Variants in SQLE observed in about 807,000 individuals in gnomAD.
SQLE encodes squalene monooxygenase.
In SQLE, 29 loss-of-function variants were observed where a neutral mutation model predicts 60.7. That is an observed-to-expected ratio of 0.48 (90% CI 0.36 to 0.65). The LOEUF is 0.65. Among genes scored for constraint, SQLE ranks in the 30% least tolerant of loss-of-function variants. The pLI is 0.00. For missense variants in SQLE, 605 were observed against 684.1 expected (o/e 0.88, Z 1.29); for synonymous variants, 237 against 246.8 (o/e 0.96, Z 0.37).
intron 7 of SQLE, among the ~76,000 whole-genome samples, chr8:125,015,165 C>G (rs1815091888): frequency 6.6e-6 from 1 of 152,148 alleles, no homozygotes; most frequent in Non-Finnish European, 1.5e-5. Context: ...TTCTTTGCCT[C>G]TTTTTATAGT....
In SQLE at chr8:125,018,206, G is replaced by A. The variant is rs777216066; in HGVS notation, c.1347+5G>A. On this transcript the variant is annotated splice_donor_5th_base_variant and intron_variant, in intron 8 of 10. Coordinates refer to ENST00000265896, the MANE Select transcript of SQLE (RefSeq NM_003129.4). ...GATGATGCAGCTATTTTCGAGGTAA[G>A]ATCAATTATTTTGACAAAAATGTCT... 5.6e-6 allele frequency: 9 copies of A among 1,607,664 alleles called. No individual in the cohort carries two copies. Among genetic ancestry groups the A allele is most frequent in the Admixed American group, 1.7e-5 (1 of 57,952 alleles).
Position 124,998,576 on chromosome 8 carries a change from G to T in SQLE, c.-828G>T, listed in dbSNP as rs903459594. ...CTGGTTACTGGGGCCGCGCCGCGCT[G>T]GCGAGAGCCGCCGCCCGCGAGGGAT... On this transcript the variant is annotated 5_prime_UTR_variant, in exon 1 of 11. Transcript: ENST00000265896. 20 of 686,450 alleles carry T rather than the reference G, an allele frequency of 2.9e-5. No homozygotes were observed. Among genetic ancestry groups the T allele is most frequent in the Admixed American group, 4.1e-5 (2 of 48,602 alleles). 42.5% of individuals were successfully genotyped at this position (686,450 alleles called of 1,614,324 possible).
At position 125,020,770 on chromosome 8, in the gene SQLE, C is replaced by T. The variant is rs1228301654; in HGVS notation, c.1445-14C>T. On this transcript the variant is annotated splice_polypyrimidine_tract_variant and intron_variant, in intron 9 of 10. Coordinates refer to ENST00000265896, the MANE Select transcript of SQLE (RefSeq NM_003129.4). ...TGTGTACACATATTTGATTATTTTA[C>T]AATTTTATTTTAGATTCCCTGCATC... 6 of 1,570,072 alleles carry T rather than the reference C, an allele frequency of 3.8e-6. No individual in the cohort carries two copies. The highest frequency in any genetic ancestry group is 1.3e-5 in the African/African-American group (1 of 74,176).
intron 7 of SQLE, among the ~76,000 whole-genome samples, chr8:125,012,262 T>C (rs549999349): frequency 4.7e-4 from 72 of 152,346 alleles, no homozygotes; most frequent in African/African-American, 1.6e-3. Context: ...TTACTAACTT[T>C]ATTGATATAT....
At chr8:125,017,469 C>T (rs1434104958) in intron 7 of SQLE, among the ~76,000 whole-genome samples, 3 of 152,048 alleles carry the variant, frequency 2.0e-5, no homozygotes, top group Non-Finnish European at 4.4e-5. Flanking sequence ...GCTCTTCAGT[C>T]AGCTGGTGGT....
In SQLE at chr8:124,998,684, A is replaced by G; in HGVS notation, c.-720A>G. 1 of 643,400 alleles carries G rather than the reference A, an allele frequency of 1.6e-6. No homozygotes were observed. Among genetic ancestry groups the G allele is most frequent in the Non-Finnish European group, 2.8e-6 (1 of 353,836 alleles). 39.9% of individuals were successfully genotyped at this position (643,400 alleles called of 1,614,324 possible). ...CCACCTTTTATCGGTGGGGAAGTGC[A>G]GTCGCGGTGGGCGGCTCTGGGGGCC... On this transcript the variant is annotated 5_prime_UTR_variant, in exon 1 of 11. Transcript: ENST00000265896.
At chr8:125,021,517 G>C (rs1815203634) in intron 10 of SQLE, among the ~76,000 whole-genome samples, 1 of 116,126 alleles carries the variant, frequency 8.6e-6, no homozygotes, top group Non-Finnish European at 1.6e-5. Flanking sequence ...TATATTCTAA[G>C]TATTTTTTCT....
intron 4 of SQLE, among the ~76,000 whole-genome samples, chr8:125,008,413 A>T (rs7825911): frequency 0.34 from 52,343 of 151,766 alleles, 9,879 homozygotes; most frequent in Middle Eastern, 0.49. Flanking sequence ...TTAAAAAAAA[A>T]TTATCGTAGT....
In SQLE at chr8:125,018,054, C is replaced by T. The variant is rs1323300947; in HGVS notation, c.1205-5C>T. On this transcript the variant is annotated splice_polypyrimidine_tract_variant and splice_region_variant and intron_variant, in intron 7 of 10. Coordinates refer to ENST00000265896, the MANE Select transcript of SQLE (RefSeq NM_003129.4). ...AAATAAAATCTTCATTACCTCTCTT[C>T]ATAGGTGTTCTTCTTTTGGGAGACG... 1.9e-6 allele frequency: 3 copies of T among 1,613,104 alleles called. No homozygotes were observed. The highest frequency in any genetic ancestry group is 2.5e-6 in the Non-Finnish European group (3 of 1,179,712).
chr8:125,004,877 AGATTT>A (rs1381247048), intron 2 of SQLE, among the ~76,000 whole-genome samples: 2 of 152,078 alleles, frequency 1.3e-5, no homozygotes, highest in African/African-American at 4.8e-5. Flanking sequence ...TTGCTGCTTT[AGATTT>A]AAGAAAGAAG....
At chr8:125,008,917 T>A (rs919493492) in intron 4 of SQLE, 54 bp from the exon 5 acceptor site, 23 of 1,305,872 alleles carry the variant, frequency 1.8e-5, no homozygotes, top group Non-Finnish European at 2.3e-5. Context: ...AGAATGGCTT[T>A]TTTTACTGTG....
chr8:125,017,323 A>G (rs944735435), intron 7 of SQLE, among the ~76,000 whole-genome samples: 1 of 151,602 alleles, frequency 6.6e-6, no homozygotes, highest in African/African-American at 2.4e-5. Flanking sequence ...CTGGCACCCA[A>G]ACCTTAAGAC....
chr8:125,005,576 A>T lies in SQLE; in HGVS notation c.596A>T (p.Asp199Val). 1 of 1,612,008 alleles carries T rather than the reference A, an allele frequency of 6.2e-7. No individual in the cohort carries two copies. Among genetic ancestry groups the T allele is most frequent in the Non-Finnish European group, 8.5e-7 (1 of 1,178,584 alleles). ...GTTGTAAATGGTTACATGATTCATGATCAGGAAAGCAAATCAGAGGTTCAG... is the reference window on the plus strand; with the variant it reads ...GTTGTAAATGGTTACATGATTCATGTTCAGGAAAGCAAATCAGAGGTTCAG... ...AQVVNGYMIHDQESKSEVQIP... is the reference protein window; with the variant it reads ...AQVVNGYMIHVQESKSEVQIP... Residue 199 changes from aspartate (D) to valine (V), a missense_variant, in exon 3 of 11, where the codon GAT (aspartate) becomes GTT (valine). Coordinates refer to ENST00000265896, the MANE Select transcript of SQLE (RefSeq NM_003129.4).
intron 6 of SQLE, among the ~76,000 whole-genome samples, chr8:125,010,444 TTATGA>T (rs1281277145): frequency 2.0e-5 from 3 of 152,152 alleles, no homozygotes; most frequent in Admixed American, 1.3e-4. Context: ...TCATTGTCAA[TTATGA>T]TATGATTAGA....
At chr8:125,019,322 T>C (rs935328781) in intron 9 of SQLE, among the ~76,000 whole-genome samples, 12 of 151,782 alleles carry the variant, frequency 7.9e-5, no homozygotes, top group Non-Finnish European at 2.9e-5. Flanking sequence ...AAATGATTCA[T>C]GCCTGTAATC....
chr8:125,017,792 G>A, intron 7 of SQLE: 1 of 410,086 alleles, frequency 2.4e-6, no homozygotes, highest in South Asian at 3.1e-5. Context: ...CTTGTCATTA[G>A]GTTTGTATAT....
rs1206746654 is a variant in SQLE at position 125,018,064 on chromosome 8, C to G, written c.1210C>G (p.Leu404Val). ...PPSSVKKRGV[L>V]LLGDAYNMRH... is the part of the protein sequence containing the mutation. ...TTCATTACCTCTCTTCATAGGTGTT[C>G]TTCTTTTGGGAGACGCATATAATAT... Residue 404 changes from leucine (L) to valine (V), a missense_variant, in exon 8 of 11, where the codon CTT becomes GTT. Coordinates refer to ENST00000265896, the MANE Select transcript of SQLE (RefSeq NM_003129.4). 5 of 1,613,126 alleles carry G rather than the reference C, an allele frequency of 3.1e-6. No individual in the cohort carries two copies. Among genetic ancestry groups the G allele is most frequent in the Non-Finnish European group, 1.7e-6 (2 of 1,179,674 alleles).
In SQLE at chr8:124,998,523, C is replaced by T. The variant is rs1588109972; in HGVS notation, c.-881C>T. The T allele has an allele frequency of 1.7e-5, 11 of 659,014 alleles. No homozygotes were observed. In the East Asian group the frequency reaches 3.1e-4, roughly 18 times the overall value. 40.8% of individuals were successfully genotyped at this position (659,014 alleles called of 1,614,324 possible). ...GCTGGCTGAGACGCGTGGAGCCTGGCGGCGAGTGGGGGCGTGCGACGGTTA... is the reference window on the plus strand; with the variant it reads ...GCTGGCTGAGACGCGTGGAGCCTGGTGGCGAGTGGGGGCGTGCGACGGTTA... On this transcript the variant is annotated 5_prime_UTR_variant, in exon 1 of 11. Coordinates refer to ENST00000265896, the MANE Select transcript of SQLE (RefSeq NM_003129.4).
At chr8:125,017,735 T>C (rs947009001) in intron 7 of SQLE, among the ~76,000 whole-genome samples, 16 of 152,310 alleles carry the variant, frequency 1.1e-4, no homozygotes, top group African/African-American at 3.8e-4. Flanking sequence ...TCTTTTTATT[T>C]TCTTCATATT....
Sources: allele counts gnomAD v4.1 joint callset (sites outside exome capture counted in the v4.1 genomes callset), GRCh38; gene constraint gnomAD v4.1.1; transcripts MANE v1.5; gene names NCBI Gene and HGNC (gene_info 2026-07-23, HGNC 2026-07-21).